Variants in VPS13B observed in about 807,000 individuals in gnomAD.
VPS13B encodes the protein intermembrane lipid transfer protein VPS13B.
Under a neutral mutation model 426.4 loss-of-function variants are expected in VPS13B, and 285 were observed. The observed-to-expected ratio is 0.67, with a 90% CI of 0.61 to 0.74. VPS13B has a LOEUF of 0.74. VPS13B is among the 30% of genes least tolerant of loss of function. VPS13B has a pLI of 0.00. For synonymous variants in VPS13B, 1,676 were observed against 1,676.4 expected (o/e 1.00, Z 0.01); for missense variants, 4,537 against 4,782.6 (o/e 0.95, Z 1.51).
At chr8:99,528,116 T>C (rs1408599510) in intron 30 of VPS13B, among the ~76,000 whole-genome samples, 1 of 152,126 alleles carries the variant, frequency 6.6e-6, no homozygotes, top group Admixed American at 6.6e-5. Context: ...AATTGCTATA[T>C]AAGAATTACA....
At chr8:99,285,003 A>G (rs1313162850) in intron 19 of VPS13B, among the ~76,000 whole-genome samples, 1 of 152,212 alleles carries the variant, frequency 6.6e-6, no homozygotes, top group South Asian at 2.1e-4. Flanking sequence ...TCTTTTCACA[A>G]TAGTACCCTA....
At chr8:99,697,874 A>G in intron 35 of VPS13B, 1 of 533,742 alleles carries the variant, frequency 1.9e-6, no homozygotes, top group Admixed American at 2.3e-5. Flanking sequence ...GGTCAACATC[A>G]ATGACCTCAT....
chr8:99,167,481 T>C (rs1377701854), intron 15 of VPS13B, among the ~76,000 whole-genome samples: 1 of 152,050 alleles, frequency 6.6e-6, no homozygotes, highest in Non-Finnish European at 1.5e-5. Flanking sequence ...TTATTGTATA[T>C]CATAATTATA....
intron 19 of VPS13B, among the ~76,000 whole-genome samples, chr8:99,280,172 T>A (rs529684674): frequency 6.6e-6 from 1 of 152,302 alleles, no homozygotes; most frequent in South Asian, 2.1e-4. Flanking sequence ...TCTGTGGTGG[T>A]TATGTATTTA....
intron 19 of VPS13B, among the ~76,000 whole-genome samples, chr8:99,302,440 A>C (rs1400380734): frequency 6.6e-6 from 1 of 152,168 alleles, no homozygotes; most frequent in Non-Finnish European, 1.5e-5. Context: ...TATTGGGCAA[A>C]ATCTTCTAAC....
chr8:99,054,146 A>G (rs558149330), intron 3 of VPS13B, among the ~76,000 whole-genome samples: 3 of 152,188 alleles, frequency 2.0e-5, no homozygotes, highest in Non-Finnish European at 4.4e-5. Context: ...TGGGTGTGCA[A>G]ATCTCTCTTT....
At chr8:99,457,333 G>C (rs76351646) in intron 23 of VPS13B, among the ~76,000 whole-genome samples, 2 of 152,140 alleles carry the variant, frequency 1.3e-5, no homozygotes, top group African/African-American at 4.8e-5. Flanking sequence ...CGCCCAGCCA[G>C]TAATTTGTAT....
intron 34 of VPS13B, among the ~76,000 whole-genome samples, chr8:99,657,470 T>TTGTGTGTGTGTGTGTGTGTGTG (rs34355540): frequency 1.1e-3 from 156 of 146,998 alleles, no homozygotes; most frequent in Non-Finnish European, 9.3e-4. Context: ...ACTTTAAAAA[T>TTGTGTGTGTGTGTGTGTGTGTG]TGTGTGTGTG....
At chr8:99,128,892 C>T (rs979031234) in intron 8 of VPS13B, among the ~76,000 whole-genome samples, 1 of 152,068 alleles carries the variant, frequency 6.6e-6, no homozygotes, top group Non-Finnish European at 1.5e-5. Flanking sequence ...GTAATCCCAG[C>T]ACTTTGGGAG....
At chr8:99,559,017 G>C (rs374077910) in intron 31 of VPS13B, among the ~76,000 whole-genome samples, 1 of 152,072 alleles carries the variant, frequency 6.6e-6, no homozygotes, top group African/African-American at 2.4e-5. Flanking sequence ...CTAATTTACA[G>C]TCCCACCAAC....
chr8:99,692,188 C>T (rs10955220), intron 35 of VPS13B, among the ~76,000 whole-genome samples: 18,253 of 146,682 alleles, frequency 0.12, 1,617 homozygotes, highest in East Asian at 0.37. Context: ...GTGCACCAAG[C>T]GGACCTAATA....
At position 99,501,689 on chromosome 8, in the gene VPS13B, A is replaced by G. The variant is rs772263007; in HGVS notation, c.3873A>G (p.Gly1291=). The change falls in exon 26 of 62, where the codon GGA becomes GGG. Residue 1291 remains glycine (G), a splice_region_variant and synonymous_variant. Transcript: ENST00000357162. ...ATTTTTTTTTCTCCTCATCCCAGGG[A>G]GATTCTATACAAGCAGGTGAGGAAT... ...PSADIGTTTE[G]DSIQAGEESP... The G allele has an allele frequency of 2.2e-5, 35 of 1,613,480 alleles. No homozygotes were observed. Among genetic ancestry groups the G allele is most frequent in the Admixed American group, 1.2e-4 (7 of 59,944 alleles).
intron 27 of VPS13B, among the ~76,000 whole-genome samples, chr8:99,506,929 A>G (rs1821530342): frequency 1.3e-5 from 2 of 152,236 alleles, no homozygotes; most frequent in Non-Finnish European, 2.9e-5. Context: ...AAATAAATAC[A>G]TAATTTACCA....
At position 99,467,395 on chromosome 8, in the gene VPS13B, C is replaced by A; in HGVS notation, c.3446-19C>A. 1 of 1,609,612 alleles carries A rather than the reference C, an allele frequency of 6.2e-7. No individual in the cohort carries two copies. Among genetic ancestry groups the A allele is most frequent in the Non-Finnish European group, 8.5e-7 (1 of 1,176,200 alleles). ...TTTTGTTTGTGTGCTTCCCTATTCCCTTTTATCCCCTATATCAGGTGATGC... is the reference window on the plus strand; with the variant it reads ...TTTTGTTTGTGTGCTTCCCTATTCCATTTTATCCCCTATATCAGGTGATGC... On this transcript the variant is annotated intron_variant, in intron 23 of 61. Coordinates refer to ENST00000357162, the MANE Select transcript of VPS13B (RefSeq NM_152564.5).
intron 2 of VPS13B, among the ~76,000 whole-genome samples, chr8:99,025,263 C>T (rs1321722899): frequency 1.3e-5 from 2 of 151,830 alleles, no homozygotes; most frequent in Admixed American, 1.3e-4. Context: ...CAATTTTGAT[C>T]CCTGTTTCAA....
chr8:99,686,844 C>G (rs1287137426), intron 35 of VPS13B, among the ~76,000 whole-genome samples: 1 of 152,064 alleles, frequency 6.6e-6, no homozygotes, highest in Non-Finnish European at 1.5e-5. Context: ...CCACTTGGTG[C>G]TCTTTCCCAC....
rs1815172719 is a variant in VPS13B, at chr8:99,403,664, A to T, written c.3082+11960A>T. Among the ~76,000 whole-genome samples, 3 of 152,130 alleles carry T rather than the reference A, an allele frequency of 2.0e-5. No individual in the cohort carries two copies. The South Asian group carries it at 6.2e-4, about 32-fold the overall frequency. On this transcript the variant is annotated intron_variant, in intron 21 of 61. Transcript: ENST00000357162. ...GAAGGTTAGGTACTATGATTGGCCCAGTGGCAGCCCAGGTTGGGTCATGTA... is the reference window on the plus strand; with the variant it reads ...GAAGGTTAGGTACTATGATTGGCCCTGTGGCAGCCCAGGTTGGGTCATGTA...
chr8:99,424,808 A>G (rs992264050), intron 21 of VPS13B, among the ~76,000 whole-genome samples: 2 of 152,190 alleles, frequency 1.3e-5, no homozygotes, highest in African/African-American at 4.8e-5. Flanking sequence ...AACAAAATTG[A>G]TAGACCAAAG....
At chr8:99,049,839 A>C (rs1456285314) in intron 3 of VPS13B, among the ~76,000 whole-genome samples, 1 of 151,264 alleles carries the variant, frequency 6.6e-6, no homozygotes, top group Non-Finnish European at 1.5e-5. Context: ...ATAATCCCAG[A>C]CTTCTTGGAG....
Sources: allele counts gnomAD v4.1 joint callset (sites outside exome capture counted in the v4.1 genomes callset), GRCh38; gene constraint gnomAD v4.1.1; transcripts MANE v1.5; gene names NCBI Gene and HGNC (gene_info 2026-07-23, HGNC 2026-07-21).